The following GALNT17 variants were observed in gnomAD, a reference collection of about 807,000 sequenced individuals.
The protein encoded by GALNT17 is polypeptide N-acetylgalactosaminyltransferase 17, also known as UDP-GalNAc:polypeptide N-acetylgalactosaminyltransferase-like 3.
Under a neutral mutation model 63.7 loss-of-function variants are expected in GALNT17, and 29 were observed. That is an observed-to-expected ratio of 0.46 (90% confidence interval 0.34 to 0.62). The LOEUF (loss-of-function observed/expected upper bound fraction) is 0.62, where lower values mean the gene tolerates loss of function less well. Among genes scored for constraint, GALNT17 ranks in the 20% least tolerant of loss-of-function variants. The pLI, the probability that GALNT17 is intolerant of heterozygous loss-of-function variation, is 0.01. For missense variants in GALNT17, 603 were observed against 799.6 expected, an observed-to-expected ratio of 0.75 and a Z score of 2.97; for synonymous variants, 305 against 318.3, an observed-to-expected ratio of 0.96 and a Z score of 0.45.
chr7:71,532,379 G>A (rs958066219), intron 5 of GALNT17, among the ~76,000 whole-genome samples: 1 of 152,138 alleles, frequency 6.6e-6, no homozygotes, highest in African/African-American at 2.4e-5. Flanking sequence ...AGATGGGCTT[G>A]GAGCTGAGGA....
intron 9 of GALNT17, among the ~76,000 whole-genome samples, chr7:71,683,443 A>G (rs997974453): frequency 6.6e-6 from 1 of 152,214 alleles, no homozygotes; most frequent in Non-Finnish European, 1.5e-5. Context: ...GGCGGCTCTC[A>G]GCAGAAGGAA....
rs574698587 is a variant in GALNT17, at chr7:71,677,414, T to C, written c.1500+108T>C. ...TTGTTGCTGTCTACCTTGGTAGTTA[T>C]TTATTCTGAGAAAAATTTTTAAGAA... On this transcript the variant is annotated intron_variant, in intron 9 of 10. Coordinates refer to ENST00000333538, the MANE Select transcript of GALNT17 (RefSeq NM_022479.3). The C allele has an allele frequency of 1.9e-4, 207 of 1,112,844 alleles. No homozygotes were observed. The African/African-American group carries it at 2.8e-3, about 15-fold the overall frequency. The allele number at this position is 1,112,844 out of a possible 1,614,324, so 68.9% of individuals were successfully genotyped here.
chr7:71,470,420 G>A (rs957475817), intron 5 of GALNT17, among the ~76,000 whole-genome samples: 6 of 152,090 alleles, frequency 3.9e-5, no homozygotes, highest in Non-Finnish European at 7.4e-5. Context: ...ACTTGAAATC[G>A]ACAGGTCCTT....
chr7:71,560,780 G>C (rs1789243226), intron 5 of GALNT17, among the ~76,000 whole-genome samples: 1 of 152,162 alleles, frequency 6.6e-6, no homozygotes, highest in Non-Finnish European at 1.5e-5. Flanking sequence ...CTTCAGGGCA[G>C]GAGCCTGTAA....
intron 1 of GALNT17, among the ~76,000 whole-genome samples, chr7:71,196,732 C>T (rs1789056535): frequency 6.6e-6 from 1 of 152,042 alleles, no homozygotes; most frequent in Admixed American, 6.6e-5. Context: ...TGGTTCACTG[C>T]AACCTCTGCT....
chr7:71,689,224 G>T (rs1791406971), intron 9 of GALNT17, among the ~76,000 whole-genome samples: 1 of 151,972 alleles, frequency 6.6e-6, no homozygotes, highest in South Asian at 2.1e-4. Context: ...TTGAAATTCA[G>T]CCAATTAACA....
intron 5 of GALNT17, among the ~76,000 whole-genome samples, chr7:71,545,075 T>G (rs1304327117): frequency 6.6e-6 from 1 of 152,180 alleles, no homozygotes; most frequent in East Asian, 1.9e-4. Flanking sequence ...AGAATCCAAC[T>G]TTCATATTTT....
intron 2 of GALNT17, among the ~76,000 whole-genome samples, chr7:71,374,934 G>A (rs1792693757): frequency 6.7e-6 from 1 of 150,264 alleles, no homozygotes; most frequent in African/African-American, 2.5e-5. Flanking sequence ...CCACCTCCTG[G>A]GTTAAAGCGA....
chr7:71,142,527 G>A (rs992245221), intron 1 of GALNT17, among the ~76,000 whole-genome samples: 1 of 152,210 alleles, frequency 6.6e-6, no homozygotes. Context: ...CTTCCTTGCC[G>A]CGAGGCGTAG....
chr7:71,509,661 A>G (rs537798765), intron 5 of GALNT17, among the ~76,000 whole-genome samples: 1 of 152,308 alleles, frequency 6.6e-6, no homozygotes, highest in Non-Finnish European at 1.5e-5. Context: ...ATGCTCCCAA[A>G]GAGCCTGAGG....
At chr7:71,672,251 AT>A (rs1791082234) in intron 8 of GALNT17, among the ~76,000 whole-genome samples, 1 of 152,232 alleles carries the variant, frequency 6.6e-6, no homozygotes, top group Non-Finnish European at 1.5e-5. Context: ...AAATAAATCA[AT>A]TTAGATTCTT....
chr7:71,663,602 C>T (rs1423133015), intron 6 of GALNT17, among the ~76,000 whole-genome samples: 1 of 152,196 alleles, frequency 6.6e-6, no homozygotes, highest in East Asian at 1.9e-4. Context: ...CCACTTAGCC[C>T]ACAATTCCTC....
chr7:71,662,766 A>G (rs61554454), intron 6 of GALNT17, among the ~76,000 whole-genome samples: 16,969 of 152,224 alleles, frequency 0.11, 1,823 homozygotes, highest in East Asian at 0.61. Context: ...TTATGCATTA[A>G]TCAATTGTTG....
intron 1 of GALNT17, among the ~76,000 whole-genome samples, chr7:71,239,635 C>T (rs761650098): frequency 2.0e-5 from 3 of 152,112 alleles, no homozygotes; most frequent in Non-Finnish European, 4.4e-5. Flanking sequence ...TGCTTTAACC[C>T]CAAGGCTTCT....
chr7:71,500,182 C>T (rs1788157972), intron 5 of GALNT17, among the ~76,000 whole-genome samples: 1 of 152,148 alleles, frequency 6.6e-6, no homozygotes, highest in Non-Finnish European at 1.5e-5. Flanking sequence ...TTTCCTAGAG[C>T]AATTATTGAC....
Position 71,318,540 on chromosome 7 carries a change from C to T in GALNT17, c.239-17010C>T, listed in dbSNP as rs545184017. 1.1e-4 allele frequency among the ~76,000 whole-genome samples: 16 copies of T among 152,064 alleles called. No individual in the cohort carries two copies. In the South Asian group the frequency reaches 3.3e-3, roughly 32 times the overall value. On this transcript the variant is annotated intron_variant, in intron 1 of 10. Coordinates refer to ENST00000333538, the MANE Select transcript of GALNT17 (RefSeq NM_022479.3). ...GTTCAAGCGACTCTCCTGCCTCAGC[C>T]TCCCGAGTAGCTGGGACTACAGGCA...
intron 1 of GALNT17, among the ~76,000 whole-genome samples, chr7:71,158,554 C>T (rs1267347630): frequency 1.3e-5 from 2 of 151,398 alleles, no homozygotes; most frequent in Non-Finnish European, 2.9e-5. Context: ...GCCACCACGC[C>T]TGGCTAATTT....
chr7:71,629,408 G>C (rs1262147265), intron 6 of GALNT17, among the ~76,000 whole-genome samples: 1 of 152,148 alleles, frequency 6.6e-6, no homozygotes, highest in Non-Finnish European at 1.5e-5. Context: ...TACAAACTCA[G>C]AACATCATCT....
intron 5 of GALNT17, among the ~76,000 whole-genome samples, chr7:71,468,919 AT>A (rs964347938): frequency 1.3e-5 from 2 of 152,186 alleles, no homozygotes; most frequent in African/African-American, 4.8e-5. Flanking sequence ...ATGATCATAA[AT>A]CCCAACAGAA....
Sources: allele counts gnomAD v4.1 joint callset (sites outside exome capture counted in the v4.1 genomes callset), GRCh38; gene constraint gnomAD v4.1.1; transcripts MANE v1.5; gene names NCBI Gene and HGNC (gene_info 2026-07-23, HGNC 2026-07-21).